PHF24: variants seen among roughly 807,000 people sequenced by gnomAD.
PHF24 encodes Galpha inhibitory interacting protein.
PHF24 carries 25 observed loss-of-function variants against 42.6 expected under a neutral mutation model. The observed-to-expected ratio is 0.59, with a 90% CI of 0.43 to 0.82. PHF24 has a LOEUF of 0.82. Among genes scored for constraint, PHF24 ranks in the 40% least tolerant of loss-of-function variants. The probability of loss-of-function intolerance (pLI) is 0.00; values close to 1 mark genes in which losing one functional copy is unlikely to be tolerated. For synonymous variants in PHF24, 185 were observed against 204.8 expected (o/e 0.90, Z 0.83); for missense variants, 470 against 538.1 (o/e 0.87, Z 1.25).
the PHF24 span, among the ~76,000 whole-genome samples, chr9:34,830,534 C>A: frequency 6.6e-6 from 1 of 152,290 alleles, no homozygotes; most frequent in East Asian, 1.9e-4. Context: ...CCCCTTAGGT[C>A]TCCTTAGAGG....
the PHF24 span, among the ~76,000 whole-genome samples, chr9:34,840,671 C>T: frequency 6.6e-6 from 1 of 152,002 alleles, no homozygotes; most frequent in South Asian, 2.1e-4. Context: ...CACCTGAGCC[C>T]CCCCAGATGC....
chr9:34,739,316 A>G, the PHF24 span, among the ~76,000 whole-genome samples: 6 of 152,242 alleles, frequency 3.9e-5, no homozygotes, highest in Non-Finnish European at 8.8e-5. Context: ...TGGAACATAA[A>G]TTGGAACAAA....
the PHF24 span, among the ~76,000 whole-genome samples, chr9:34,772,938 C>G: frequency 1.3e-5 from 2 of 151,436 alleles, no homozygotes; most frequent in Non-Finnish European, 2.9e-5. Context: ...CTGAGAGGAT[C>G]TAAAAGACCA....
the PHF24 span, chr9:34,838,467 C>T: frequency 1.5e-6 from 2 of 1,330,140 alleles, no homozygotes; most frequent in African/African-American, 1.5e-5. Flanking sequence ...ATCCAACATC[C>T]CACAGAACAA....
the PHF24 span, among the ~76,000 whole-genome samples, chr9:34,838,143 C>A: frequency 6.6e-6 from 1 of 152,242 alleles, no homozygotes; most frequent in African/African-American, 2.4e-5. Flanking sequence ...AGCTTCTTGG[C>A]TTTTCAATTA....
chr9:34,901,426 A>G, the PHF24 span, among the ~76,000 whole-genome samples: 2 of 152,368 alleles, frequency 1.3e-5, no homozygotes, highest in East Asian at 3.9e-4. Flanking sequence ...CAGGGATGCA[A>G]TCAGCAGAAT....
At chr9:34,848,906 C>T in the PHF24 span, among the ~76,000 whole-genome samples, 4 of 152,068 alleles carry the variant, frequency 2.6e-5, no homozygotes, top group South Asian at 2.1e-4. Flanking sequence ...TGTAGTTGAG[C>T]GGTTTTGAGT....
the PHF24 span, among the ~76,000 whole-genome samples, chr9:34,745,751 A>G: frequency 2.0e-5 from 3 of 151,732 alleles, no homozygotes; most frequent in African/African-American, 7.3e-5. Context: ...GTACTTCTAT[A>G]GTTTAAAAAA....
chr9:34,928,346 A>C, the PHF24 span, among the ~76,000 whole-genome samples: 14 of 152,224 alleles, frequency 9.2e-5, no homozygotes, highest in African/African-American at 3.1e-4. Flanking sequence ...TAAATACTTA[A>C]GGGATAGATA....
the PHF24 span, among the ~76,000 whole-genome samples, chr9:34,789,165 A>G: frequency 2.6e-5 from 4 of 152,178 alleles, no homozygotes; most frequent in African/African-American, 9.7e-5. Flanking sequence ...AGACAGAGAA[A>G]AAAGGTAGAG....
intron 7 of PHF24, 82 bp downstream of exon 7, chr9:34,977,723 C>T (rs1587482702): frequency 3.3e-6 from 4 of 1,230,200 alleles, no homozygotes; most frequent in East Asian, 2.5e-5. Flanking sequence ...ATTACCCACT[C>T]CCACTCCAAA....
At chr9:34,674,335 A>C in the PHF24 span, among the ~76,000 whole-genome samples, 85,129 of 152,086 alleles carry the variant, frequency 0.56, 24,217 homozygotes, top group East Asian at 0.8. Context: ...TTCTCTGACC[A>C]TCTTTCAATG....
At chr9:34,808,096 A>ACTC in the PHF24 span, among the ~76,000 whole-genome samples, 4 of 152,166 alleles carry the variant, frequency 2.6e-5, no homozygotes, top group African/African-American at 9.7e-5. Context: ...AGTACAGTCA[A>ACTC]CCTGATTTGG....
the PHF24 span, among the ~76,000 whole-genome samples, chr9:34,801,013 A>G: frequency 6.6e-6 from 1 of 152,260 alleles, no homozygotes; most frequent in Non-Finnish European, 1.5e-5. Context: ...ATATGAACAG[A>G]CACTTCTCAA....
intron 7 of PHF24, 120 bp from the exon 8 acceptor site, chr9:34,977,894 GC>G (rs1231192999): frequency 4.8e-6 from 4 of 826,028 alleles, no homozygotes; most frequent in Non-Finnish European, 8.2e-6. Flanking sequence ...AAGCCATGCT[GC>G]CCCTGGGATC....
chr9:34,746,496 G>C, the PHF24 span, among the ~76,000 whole-genome samples: 1 of 152,154 alleles, frequency 6.6e-6, no homozygotes, highest in Non-Finnish European at 1.5e-5. Context: ...TACAAAGCAA[G>C]TGCAAGATTG....
chr9:34,689,269 C>T, the PHF24 span, among the ~76,000 whole-genome samples: 222 of 152,226 alleles, frequency 1.5e-3, 1 homozygote, highest in African/African-American at 4.8e-3. The surrounding 1 kb of genome is among the most constrained non-coding windows in gnomAD (Gnocchi z 4.1). Flanking sequence ...AGGCATGAGA[C>T]GCTGGCTCAT....
the PHF24 span, among the ~76,000 whole-genome samples, chr9:34,758,336 G>A: frequency 2.0e-5 from 3 of 152,262 alleles, no homozygotes; most frequent in Non-Finnish European, 4.4e-5. The surrounding 1 kb of genome is among the most constrained non-coding windows in gnomAD (Gnocchi z 4.4). Context: ...TTGTTTGGTG[G>A]TTTGGGGACA....
At chr9:34,770,629 C>T in the PHF24 span, among the ~76,000 whole-genome samples, 2 of 151,644 alleles carry the variant, frequency 1.3e-5, no homozygotes, top group African/African-American at 4.9e-5. Flanking sequence ...TTCATATTTG[C>T]CTATATTTTA....
Sources: allele counts gnomAD v4.1 joint callset (sites outside exome capture counted in the v4.1 genomes callset), GRCh38; gene constraint gnomAD v4.1.1; non-coding constraint Gnocchi (gnomAD v3.1); transcripts MANE v1.5; gene names NCBI Gene and HGNC (gene_info 2026-07-23, HGNC 2026-07-21).